Variants in POLQ observed in about 807,000 individuals in gnomAD.
The protein encoded by POLQ is DNA polymerase theta, also known as epididymis secretory sperm binding protein.
A neutral mutation model predicts 259.2 loss-of-function variants in POLQ; 233 were observed. The observed-to-expected ratio is 0.90, with a 90% CI of 0.81 to 1.00. POLQ has a LOEUF of 1.00. POLQ is among the 50% of genes least tolerant of loss of function. POLQ has a pLI of 0.00. For missense variants in POLQ, 2,871 were observed against 3,051.6 expected, an observed-to-expected ratio of 0.94 and a Z score of 1.39; for synonymous variants, 1,025 against 1,048.8, an observed-to-expected ratio of 0.98 and a Z score of 0.44.
At chr3:121,539,686 G>T in intron 3 of POLQ, 97 bp from the exon 4 acceptor site, 3 of 853,332 alleles carry the variant, frequency 3.5e-6, no homozygotes, top group Non-Finnish European at 3.8e-6. Context: ...AGTATCTAAA[G>T]ACATCTACCA....
intron 25 of POLQ, among the ~76,000 whole-genome samples, chr3:121,453,218 T>A (rs886868388): frequency 2.0e-5 from 3 of 152,104 alleles, no homozygotes; most frequent in Admixed American, 2.0e-4. Context: ...AGAAAGGACA[T>A]CCACACCAAA....
intron 21 of POLQ, among the ~76,000 whole-genome samples, chr3:121,472,377 T>C (rs2047890809): frequency 6.6e-6 from 1 of 152,220 alleles, no homozygotes; most frequent in African/African-American, 2.4e-5. Flanking sequence ...GCAGTATCAA[T>C]TTAAAACTAC....
At chr3:121,450,172 G>A (rs1267444513) in intron 25 of POLQ, among the ~76,000 whole-genome samples, 1 of 151,952 alleles carries the variant, frequency 6.6e-6, no homozygotes, top group South Asian at 2.1e-4. Context: ...GGGATTGTTA[G>A]GTTTAAATGA....
intron 27 of POLQ, among the ~76,000 whole-genome samples, chr3:121,439,134 A>T (rs924223339): frequency 5.3e-5 from 8 of 152,166 alleles, no homozygotes; most frequent in African/African-American, 1.9e-4. Context: ...ACTTAAACAT[A>T]ATTTGAGCAA....
chr3:121,485,760 T>G (rs1260337628), intron 16 of POLQ, among the ~76,000 whole-genome samples: 1 of 152,214 alleles, frequency 6.6e-6, no homozygotes, highest in Non-Finnish European at 1.5e-5. Context: ...GCCTCTATTA[T>G]ATAGCCTGAT....
At chr3:121,482,069 T>A (rs1560095193) in intron 18 of POLQ, among the ~76,000 whole-genome samples, 1 of 152,206 alleles carries the variant, frequency 6.6e-6, no homozygotes, top group Admixed American at 6.5e-5. Context: ...CCGATCCAGT[T>A]TAGCAGTAGG....
chr3:121,454,872 C>A (rs1482059905), intron 25 of POLQ, among the ~76,000 whole-genome samples: 1 of 152,106 alleles, frequency 6.6e-6, no homozygotes, highest in African/African-American at 2.4e-5. Context: ...CAGCTCTGCA[C>A]CAAGCAGATC....
At chr3:121,490,457 G>T in intron 15 of POLQ, 49 bp from the exon 16 acceptor site, 1 of 1,458,390 alleles carries the variant, frequency 6.9e-7, no homozygotes, top group South Asian at 1.2e-5. Context: ...TCATTCGTAA[G>T]GCAAGTATTT....
chr3:121,472,709 G>A (rs1209691257), intron 21 of POLQ, among the ~76,000 whole-genome samples: 6 of 152,148 alleles, frequency 3.9e-5, no homozygotes, highest in Admixed American at 6.5e-5. Context: ...TGGAGCTAAG[G>A]AAACTTCCTA....
intron 24 of POLQ, among the ~76,000 whole-genome samples, chr3:121,467,015 A>G (rs2047842627): frequency 6.6e-6 from 1 of 152,192 alleles, no homozygotes; most frequent in Non-Finnish European, 1.5e-5. Context: ...TTATGACTAG[A>G]GTATTGAGGA....
chr3:121,465,168 C>T (rs908185209), intron 24 of POLQ, among the ~76,000 whole-genome samples: 2 of 151,408 alleles, frequency 1.3e-5, no homozygotes, highest in African/African-American at 4.9e-5. Flanking sequence ...CTCACTGCAG[C>T]CCCAACCTCC....
intron 13 of POLQ, among the ~76,000 whole-genome samples, chr3:121,497,714 G>A (rs2048135771): frequency 6.6e-6 from 1 of 152,176 alleles, no homozygotes. Flanking sequence ...TGGGATTACA[G>A]GCATGAGCCA....
chr3:121,490,397 GC>G lies in POLQ; in HGVS notation c.2533del (p.Ala845GlnfsTer20). On this transcript the variant is annotated frameshift_variant, in exon 16 of 30. Transcript: ENST00000264233. LOFTEE classifies it high-confidence loss of function. The stretch of plus-strand genomic sequence containing the variant: ...AACTGCTTCCTCTTCCTCATCCACT[GC>G]CTTCCGGGCACTACACAAGGAGATG... ...NAVPFKSARK[A>X]VDEEEEAVEE... The G allele has an allele frequency of 6.2e-7, 1 of 1,613,738 alleles. No individual in the cohort carries two copies. The highest frequency in any genetic ancestry group is 8.5e-7 in the Non-Finnish European group (1 of 1,179,666).
Position 121,488,277 on chromosome 3 carries a change from T to C in POLQ, c.4654A>G (p.Asn1552Asp). Residue 1552 changes from asparagine to aspartate, a missense_variant, in exon 16 of 30, where the codon AAT becomes GAT. Asn to Asp is a conservative substitution (Grantham distance 23). Coordinates refer to ENST00000264233, the MANE Select transcript of POLQ (RefSeq NM_199420.4). ...TCTGAAAATATAATAGATTCATCAT[T>C]GGAACAAGTCAACTGCTGGTGGGTA... is the stretch of plus-strand genomic sequence containing the variant. ...QDTHQQLTCSNDESIIFSEMD... is the reference protein window; with the variant it reads ...QDTHQQLTCSDDESIIFSEMD... The C allele has an allele frequency of 6.2e-7, 1 of 1,612,934 alleles. No individual in the cohort carries two copies. Among genetic ancestry groups the C allele is most frequent in the Non-Finnish European group, 8.5e-7 (1 of 1,179,492 alleles).
chr3:121,432,959 C>G lies in POLQ; in HGVS notation c.7618G>C (p.Asp2540His). 1.2e-6 allele frequency: 2 copies of G among 1,611,188 alleles called. No homozygotes were observed. The highest frequency in any genetic ancestry group is 1.7e-6 in the Non-Finnish European group (2 of 1,177,380). Residue 2540 changes from aspartate to histidine, a missense_variant, in exon 29 of 30, where the codon GAT (aspartate) becomes CAT (histidine). Coordinates refer to ENST00000264233, the MANE Select transcript of POLQ (RefSeq NM_199420.4). ...TCTGCCACTTCATATAGGAGTTCATCATGGAGTTGAAGGATGAAGAAGCCT... is the reference window on the plus strand; with the variant it reads ...TCTGCCACTTCATATAGGAGTTCATGATGGAGTTGAAGGATGAAGAAGCCT... ...RGGFFILQLH[D>H]ELLYEVAEED...
Position 121,488,981 on chromosome 3 carries a change from TCA to T in POLQ, c.3948_3949del (p.Cys1316Ter). 3 of 1,613,616 alleles carry T rather than the reference TCA, an allele frequency of 1.9e-6. No homozygotes were observed. Among genetic ancestry groups the T allele is most frequent in the Middle Eastern group, 1.6e-4 (1 of 6,062 alleles). ...ATCCAGATAGAAACTATCTTCAAAA[TCA>T]CAGAGGACTAAACCTAAGTCAGAAA... On this transcript the variant is annotated stop_gained and frameshift_variant, in exon 16 of 30. Coordinates refer to ENST00000264233, the MANE Select transcript of POLQ (RefSeq NM_199420.4). LOFTEE classifies it high-confidence loss of function.
In POLQ at chr3:121,533,169, T is replaced by C; in HGVS notation, c.781A>G (p.Ile261Val). The C allele has an allele frequency of 6.2e-7, 1 of 1,613,740 alleles. No homozygotes were observed. Among genetic ancestry groups the C allele is most frequent in the African/African-American group, 1.3e-5 (1 of 75,026 alleles). Residue 261 changes from isoleucine to valine, a missense_variant, in exon 6 of 30, where the codon ATC (isoleucine) becomes GTC (valine). Around this residue, in one of 3 missense-constraint regions of POLQ, gnomAD observed 783 missense variants for 906.2 expected, o/e 0.86. Coordinates refer to ENST00000264233, the MANE Select transcript of POLQ (RefSeq NM_199420.4). ...GGAAGGGTAGCACTCATGCCAACGA[T>C]TTGCACAGCATTAGACAGAGAACTG... ...LASSLSNAVQ[I>V]VGMSATLPNL...
intron 14 of POLQ, chr3:121,494,663 G>C: frequency 1.3e-6 from 2 of 1,563,232 alleles, no homozygotes; most frequent in Middle Eastern, 2.3e-4. Context: ...CATTACCAAG[G>C]GGAAGGCAAG....
chr3:121,505,373 A>G (rs2048200489), intron 12 of POLQ, among the ~76,000 whole-genome samples: 1 of 152,238 alleles, frequency 6.6e-6, no homozygotes, highest in African/African-American at 2.4e-5. Context: ...GGACTAATAC[A>G]GTAAGCCAAA....
Sources: allele counts gnomAD v4.1 joint callset (sites outside exome capture counted in the v4.1 genomes callset), GRCh38; gene constraint gnomAD v4.1.1; regional missense constraint gnomAD v4.1.1; transcripts MANE v1.5; gene names NCBI Gene and HGNC (gene_info 2026-07-23, HGNC 2026-07-21).